The following CNTNAP2 variants were observed in gnomAD, a reference collection of about 807,000 sequenced individuals.
CNTNAP2 encodes contactin-associated protein-like 2.
A neutral mutation model predicts 155.2 loss-of-function variants in CNTNAP2; 98 were observed. The observed-to-expected ratio is 0.63, with a 90% confidence interval of 0.54 to 0.75. The LOEUF is 0.75. Among genes scored for constraint, CNTNAP2 ranks in the 30% least tolerant of loss-of-function variants. The probability of loss-of-function intolerance (pLI) is 0.00; values close to 1 mark genes in which losing one functional copy is unlikely to be tolerated. For missense variants in CNTNAP2, 1,727 were observed against 1,688.1 expected (o/e 1.02, Z -0.40); for synonymous variants, 651 against 631.2 (o/e 1.03, Z -0.47).
At chr7:147,971,474 T>C (rs1301486417) in intron 14 of CNTNAP2, among the ~76,000 whole-genome samples, 4 of 146,462 alleles carry the variant, frequency 2.7e-5, no homozygotes, top group Non-Finnish European at 5.9e-5. Context: ...CTGTTTCTAC[T>C]CCCAGCCCGA....
chr7:148,016,854 A>G (rs985138087), intron 15 of CNTNAP2, among the ~76,000 whole-genome samples: 5 of 152,138 alleles, frequency 3.3e-5, no homozygotes, highest in South Asian at 2.1e-4. Flanking sequence ...CTGGAATAGC[A>G]TTCCTTCCCT....
chr7:147,205,537 A>G (rs1164966961), intron 8 of CNTNAP2, among the ~76,000 whole-genome samples: 1 of 152,012 alleles, frequency 6.6e-6, no homozygotes, highest in Non-Finnish European at 1.5e-5. Context: ...CTAATATAAT[A>G]TTATTCAACT....
At position 148,083,978 on chromosome 7, in the gene CNTNAP2, G is replaced by A. The variant is rs532846187; in HGVS notation, c.2384-34140G>A. ...TTTTTAAACCAGGATCTGACACTCC[G>A]TAGGTGACCATAGATGTAGTATCAC... is the stretch of plus-strand genomic sequence containing the variant. On this transcript the variant is annotated intron_variant, in intron 15 of 23. Transcript: ENST00000361727. 3.9e-5 allele frequency among the ~76,000 whole-genome samples: 6 copies of A among 152,264 alleles called. No homozygotes were observed. The South Asian group carries it at 6.2e-4, about 16-fold the overall frequency.
At chr7:147,850,445 G>A (rs1195551129) in intron 13 of CNTNAP2, among the ~76,000 whole-genome samples, 1 of 152,156 alleles carries the variant, frequency 6.6e-6, no homozygotes, top group East Asian at 1.9e-4. Context: ...CCAAAAAAGA[G>A]CCCGCATTGC....
intron 1 of CNTNAP2, among the ~76,000 whole-genome samples, chr7:146,383,775 G>A (rs962378775): frequency 1.3e-5 from 2 of 152,062 alleles, no homozygotes; most frequent in Admixed American, 1.3e-4. Context: ...TATATCATTT[G>A]GACAATAGTC....
At chr7:148,259,542 T>C (rs142535928) in intron 20 of CNTNAP2, among the ~76,000 whole-genome samples, 1 of 152,282 alleles carries the variant, frequency 6.6e-6, no homozygotes, top group African/African-American at 2.4e-5. Flanking sequence ...CCTAGGCCTT[T>C]GTCTAGGCCA....
At chr7:146,246,789 A>C (rs1799666263) in intron 1 of CNTNAP2, among the ~76,000 whole-genome samples, 1 of 152,118 alleles carries the variant, frequency 6.6e-6, no homozygotes, top group South Asian at 2.1e-4. Flanking sequence ...GCTTAGGAGG[A>C]ATCCTGGGCT....
intron 1 of CNTNAP2, among the ~76,000 whole-genome samples, chr7:146,535,719 A>G (rs1449868523): frequency 6.6e-6 from 1 of 151,800 alleles, no homozygotes; most frequent in Non-Finnish European, 1.5e-5. Context: ...TCATCCAGGT[A>G]GTGAGTATGG....
intron 10 of CNTNAP2, among the ~76,000 whole-genome samples, chr7:147,444,909 A>C (rs1797707305): frequency 2.0e-5 from 3 of 152,208 alleles, no homozygotes; most frequent in African/African-American, 7.2e-5. Context: ...GGGAGGCCTC[A>C]GGAAACTTAT....
chr7:147,004,967 T>G (rs1434769075), intron 3 of CNTNAP2, among the ~76,000 whole-genome samples: 3 of 151,998 alleles, frequency 2.0e-5, no homozygotes, highest in African/African-American at 7.2e-5. Flanking sequence ...AAATAAAGTT[T>G]TATGTGTATT....
At chr7:147,908,725 G>A (rs1366940784) in intron 14 of CNTNAP2, among the ~76,000 whole-genome samples, 1 of 152,206 alleles carries the variant, frequency 6.6e-6, no homozygotes, top group Non-Finnish European at 1.5e-5. Flanking sequence ...AACCACGTTT[G>A]TTGTAATGTC....
intron 8 of CNTNAP2, among the ~76,000 whole-genome samples, chr7:147,175,265 T>TTTA (rs1802317100): frequency 6.6e-6 from 1 of 151,766 alleles, no homozygotes. Context: ...TTCTGCTCTT[T>TTTA]TTTTGTAACT....
chr7:148,105,463 C>T (rs536441492), intron 15 of CNTNAP2, among the ~76,000 whole-genome samples: 1 of 152,246 alleles, frequency 6.6e-6, no homozygotes, highest in South Asian at 2.1e-4. Context: ...GCAAAGCAGG[C>T]CTATGCTTAC....
intron 11 of CNTNAP2, among the ~76,000 whole-genome samples, chr7:147,508,749 T>C (rs1385946357): frequency 2.0e-5 from 3 of 152,152 alleles, no homozygotes; most frequent in Admixed American, 2.0e-4. Context: ...ATCTGATGAT[T>C]TTTTAAAGGG....
rs180799456 is a variant in CNTNAP2 at position 147,448,064 on chromosome 7, C to T, written c.1671-37871C>T. Reference sequence around the variant, plus strand: ...AATTTATAATACAATGGATTTCAATCGATGCCCTTTGCCATTAAATCACAC... The same window carrying T: ...AATTTATAATACAATGGATTTCAATTGATGCCCTTTGCCATTAAATCACAC... On this transcript the variant is annotated intron_variant, in intron 10 of 23. Coordinates refer to ENST00000361727, the MANE Select transcript of CNTNAP2 (RefSeq NM_014141.6). Among the ~76,000 whole-genome samples, 4 of 152,164 alleles carry T rather than the reference C, an allele frequency of 2.6e-5. No individual in the cohort carries two copies. The East Asian group carries it at 7.7e-4, about 29-fold the overall frequency.
intron 21 of CNTNAP2, among the ~76,000 whole-genome samples, chr7:148,288,944 C>CAAAAAA (rs58641348): frequency 5.9e-5 from 6 of 101,794 alleles, no homozygotes; most frequent in African/African-American, 2.2e-4. Flanking sequence ...TCTTATTCAG[C>CAAAAAA]AAAAAAAAAA....
At chr7:147,274,804 A>G (rs1804857543) in intron 8 of CNTNAP2, among the ~76,000 whole-genome samples, 1 of 151,828 alleles carries the variant, frequency 6.6e-6, no homozygotes, top group African/African-American at 2.4e-5. Context: ...TAATAGTTTC[A>G]GGTCTTACAT....
chr7:146,407,602 T>G (rs2129110051), intron 1 of CNTNAP2, among the ~76,000 whole-genome samples: 1 of 152,268 alleles, frequency 6.6e-6, no homozygotes, highest in Middle Eastern at 3.4e-3. Context: ...TCCAGGAAAC[T>G]TCTGGGATAG....
intron 8 of CNTNAP2, among the ~76,000 whole-genome samples, chr7:147,217,002 C>G (rs1803282581): frequency 6.6e-6 from 1 of 151,902 alleles, no homozygotes; most frequent in Admixed American, 6.6e-5. Flanking sequence ...TATAGAAAAG[C>G]ATTTGACTTT....
Sources: gnomAD v4.1 joint callset for allele counts (sites outside exome capture counted in the v4.1 genomes callset) on GRCh38, gnomAD v4.1.1 for gene constraint, MANE v1.5 for transcripts, NCBI Gene and HGNC (gene_info 2026-07-23, HGNC 2026-07-21) for gene names.